MAP3K4: variants seen among roughly 807,000 people sequenced by gnomAD.
The protein encoded by MAP3K4 is mitogen-activated protein kinase kinase kinase 4, also known as MAP three kinase 1.
In MAP3K4, 67 loss-of-function variants were observed where a neutral mutation model predicts 185.6. The ratio of observed to expected loss-of-function variants is 0.36; its 90% CI spans 0.30 to 0.44. The LOEUF (loss-of-function observed/expected upper bound fraction) is 0.44, where lower values mean the gene tolerates loss of function less well. Among genes scored for constraint, MAP3K4 ranks in the 20% least tolerant of loss-of-function variants. The probability of loss-of-function intolerance (pLI) is 1.00; values close to 1 mark genes in which losing one functional copy is unlikely to be tolerated. For synonymous variants in MAP3K4, 702 were observed against 710.4 expected (o/e 0.99, Z 0.19); for missense variants, 1,551 against 1,995.1 (o/e 0.78, Z 4.24).
At chr6:161,089,503 T>A in intron 11 of MAP3K4, 32 bp downstream of exon 11, 1 of 1,607,594 alleles carries the variant, frequency 6.2e-7, no homozygotes, top group South Asian at 1.1e-5. Context: ...TAGCTGAGAT[T>A]TTTCCTTTTT....
intron 1 of MAP3K4, among the ~76,000 whole-genome samples, chr6:161,023,012 A>G (rs887640841): frequency 6.6e-6 from 1 of 152,184 alleles, no homozygotes; most frequent in African/African-American, 2.4e-5. Context: ...ATTCCCATTT[A>G]ACATAATTTT....
rs1164588219 is a variant in MAP3K4 at position 160,996,764 on chromosome 6, A to G, written c.152+4681A>G. 3.3e-5 allele frequency among the ~76,000 whole-genome samples: 5 copies of G among 152,170 alleles called. No individual in the cohort carries two copies. Among genetic ancestry groups the G allele is most frequent in the African/African-American group, 1.2e-4 (5 of 41,428 alleles). On this transcript the variant is annotated intron_variant, in intron 1 of 26. Transcript: ENST00000392142. The surrounding 1 kb of genome is among the most constrained non-coding windows in gnomAD (Gnocchi z 4.5). ...CTTGGCTTCTCAGGCACAGATACTC[A>G]GCTTTGTCTGTACACCTGGTTAGTC...
At chr6:161,010,879 G>T (rs1328557655) in intron 1 of MAP3K4, among the ~76,000 whole-genome samples, 1 of 152,066 alleles carries the variant, frequency 6.6e-6, no homozygotes, top group East Asian at 1.9e-4. Context: ...TATAGCTTTG[G>T]GTGTGCTTTT....
At position 160,992,089 on chromosome 6, in the gene MAP3K4, T is replaced by G. The variant is rs765152747; in HGVS notation, c.152+6T>G. The G allele has an allele frequency of 4.1e-5, 63 of 1,553,910 alleles. No individual in the cohort carries two copies. Among genetic ancestry groups the G allele is most frequent in the Non-Finnish European group, 4.9e-5 (57 of 1,157,606 alleles). ...GAGTGCTGCTTGGCGGCGAGGTGAG[T>G]GTGGCGGCCGCAGTCGGTCGCTCGC... On this transcript the variant is annotated splice_donor_region_variant and intron_variant, in intron 1 of 26. Transcript: ENST00000392142.
Position 161,075,403 on chromosome 6 carries a change from C to T in MAP3K4, c.2097+1791C>T, listed in dbSNP as rs372909237. 8.5e-5 allele frequency among the ~76,000 whole-genome samples: 13 copies of T among 152,134 alleles called. No individual in the cohort carries two copies. Among genetic ancestry groups the T allele is most frequent in the East Asian group, 3.9e-4 (2 of 5,192 alleles). On this transcript the variant is annotated intron_variant, in intron 5 of 26. Transcript: ENST00000392142. The surrounding 1 kb of genome is among the most constrained non-coding windows in gnomAD (Gnocchi z 4.3). Reference sequence around the variant, plus strand: ...GAACTCCTGGGCTCAGTGATCCTCCCGCCTTGGCCTCCCAAAGTGCTGGGA... The same window carrying T: ...GAACTCCTGGGCTCAGTGATCCTCCTGCCTTGGCCTCCCAAAGTGCTGGGA...
At chr6:160,992,115 A>T in intron 1 of MAP3K4, 32 bp downstream of exon 1, 1 of 1,522,206 alleles carries the variant, frequency 6.6e-7, no homozygotes, top group South Asian at 1.3e-5. Context: ...GGTCGCTCGC[A>T]GAAAGCGGGG....
At chr6:161,038,306 G>A (rs1783278655) in intron 2 of MAP3K4, among the ~76,000 whole-genome samples, 1 of 152,240 alleles carries the variant, frequency 6.6e-6, no homozygotes, top group South Asian at 2.1e-4. Flanking sequence ...TCTGGAACAA[G>A]TGACATTTGT....
intron 3 of MAP3K4, among the ~76,000 whole-genome samples, chr6:161,068,259 G>A (rs1361113275): frequency 7.2e-5 from 11 of 152,302 alleles, no homozygotes; most frequent in Non-Finnish European, 1.3e-4. Flanking sequence ...AATACTGTGA[G>A]AAAAGGGAGA....
chr6:161,060,618 CTTTTTTTTTTT>C (rs35196179), intron 3 of MAP3K4, among the ~76,000 whole-genome samples: 1 of 126,414 alleles, frequency 7.9e-6, no homozygotes, highest in South Asian at 2.5e-4. Flanking sequence ...TTTTCTTTTT[CTTTTTTTTTTT>C]TTTTTTTTGA....
Position 160,991,969 on chromosome 6 carries a change from C to T in MAP3K4, c.38C>T (p.Ala13Val). ...GCTGCCGCGCTGGTCCCTCCTCCCG[C>T]CTTTGCCGTCACGCCTGCCGCCGCC... ...EAAAALVPPPAFAVTPAAAME... is the reference protein window; with the variant it reads ...EAAAALVPPPVFAVTPAAAME... The change falls in exon 1 of 27, where the codon GCC becomes GTC. Residue 13 changes from alanine to valine, a missense_variant. This residue lies in a region of MAP3K4 where 287 missense variants were observed against 268.8 expected (regional missense o/e 1.07). Coordinates refer to ENST00000392142, the MANE Select transcript of MAP3K4 (RefSeq NM_005922.4). This position sits in a 1 kb window ranked among gnomAD's most constrained non-coding sequence, Gnocchi z 5.7. 6.5e-7 allele frequency: 1 copy of T among 1,547,200 alleles called. No individual in the cohort carries two copies. The highest frequency in any genetic ancestry group is 8.7e-7 in the Non-Finnish European group (1 of 1,154,044).
chr6:161,038,602 A>G (rs745735644), intron 2 of MAP3K4, among the ~76,000 whole-genome samples: 6 of 152,210 alleles, frequency 3.9e-5, no homozygotes, highest in Admixed American at 1.3e-4. Flanking sequence ...CAGATTATCT[A>G]TTGTTGTGTA....
intron 3 of MAP3K4, among the ~76,000 whole-genome samples, chr6:161,062,845 G>T (rs1427333409): frequency 2.0e-5 from 3 of 152,068 alleles, no homozygotes; most frequent in Non-Finnish European, 4.4e-5. Context: ...GATACATGGT[G>T]TACACTTTGA....
At chr6:161,092,238 A>C (rs370387833) in intron 13 of MAP3K4, 95 bp downstream of exon 13, 2 of 1,353,416 alleles carry the variant, frequency 1.5e-6, no homozygotes, top group Non-Finnish European at 1.0e-6. Flanking sequence ...AGCAGACGAC[A>C]CAGAAGGGAA....
chr6:161,094,322 T>A (rs1382588764), intron 15 of MAP3K4, among the ~76,000 whole-genome samples: 1 of 152,234 alleles, frequency 6.6e-6, no homozygotes, highest in African/African-American at 2.4e-5. Context: ...TGTAGTAAAT[T>A]CTGATTTGGT....
At chr6:160,997,519 G>T (rs534975457) in intron 1 of MAP3K4, among the ~76,000 whole-genome samples, 4 of 152,308 alleles carry the variant, frequency 2.6e-5, no homozygotes, top group African/African-American at 9.6e-5. Flanking sequence ...TCCTTTTGGG[G>T]TGGTACCTGA....
chr6:161,080,786 C>T lies in MAP3K4; in HGVS notation c.2098-95C>T. On this transcript the variant is annotated intron_variant, in intron 5 of 26. Transcript: ENST00000392142. The surrounding 1 kb of genome is among the most constrained non-coding windows in gnomAD (Gnocchi z 4.8). ...TGCCTGTGACAGCCCCCGGCCCGCC[C>T]CCACTTTACCCTGCTGATGTGTAGC... 8.7e-7 allele frequency: 1 copy of T among 1,143,244 alleles called. No homozygotes were observed. Among genetic ancestry groups the T allele is most frequent in the Non-Finnish European group, 1.3e-6 (1 of 784,288 alleles). 70.8% of individuals were successfully genotyped at this position (1,143,244 alleles called of 1,614,324 possible).
intron 1 of MAP3K4, among the ~76,000 whole-genome samples, chr6:161,023,701 T>G (rs1782507853): frequency 6.6e-6 from 1 of 152,280 alleles, no homozygotes; most frequent in African/African-American, 2.4e-5. Context: ...AAAATTCTGA[T>G]GCACATACCA....
intron 1 of MAP3K4, among the ~76,000 whole-genome samples, chr6:160,994,587 C>CT (rs1283317306): frequency 6.6e-6 from 1 of 152,130 alleles, no homozygotes; most frequent in African/African-American, 2.4e-5. Flanking sequence ...TTGCGAATTG[C>CT]TGCTATAAAC....
chr6:161,070,652 G>C lies in MAP3K4; in HGVS notation c.1752G>C (p.Gln584His), dbSNP rs34018542. 1.2e-6 allele frequency: 2 copies of C among 1,613,876 alleles called. No homozygotes were observed. Among genetic ancestry groups the C allele is most frequent in the African/African-American group, 1.3e-5 (1 of 74,918 alleles). ...CCATGTGGGGTTCAGATTATGTGCA[G>C]TTGTCAAGGACACCACCTTCATCTG... ...PDPMWGSDYV[Q>H]LSRTPPSSEE... The change falls in exon 4 of 27, where the codon CAG (glutamine) becomes CAC (histidine). Residue 584 changes from glutamine to histidine, a missense_variant. Physicochemically the swap from Gln to His is conservative, Grantham distance 24. Around this residue, in one of 16 missense-constraint regions of MAP3K4, gnomAD observed 86 missense variants for 81.6 expected, o/e 1.05. Coordinates refer to ENST00000392142, the MANE Select transcript of MAP3K4 (RefSeq NM_005922.4). The surrounding 1 kb of genome is among the most constrained non-coding windows in gnomAD (Gnocchi z 4.5).
Sources: gnomAD v4.1 joint callset for allele counts (sites outside exome capture counted in the v4.1 genomes callset) on GRCh38, gnomAD v4.1.1 for gene constraint, gnomAD v4.1.1 regional missense constraint, Gnocchi (gnomAD v3.1) non-coding constraint, MANE v1.5 for transcripts, NCBI Gene and HGNC (gene_info 2026-07-23, HGNC 2026-07-21) for gene names.